Variants in MNS1 observed in about 807,000 individuals in gnomAD.
MNS1 encodes the protein meiosis specific nuclear structural 1.
Under a neutral mutation model 72.0 loss-of-function variants are expected in MNS1, and 63 were observed. The observed-to-expected ratio is 0.87, with a 90% CI of 0.71 to 1.08. The LOEUF is 1.08. Among genes scored for constraint, MNS1 ranks in the 50% least tolerant of loss-of-function variants. MNS1 has a pLI of 0.00. For synonymous variants in MNS1, 188 were observed against 172.1 expected (o/e 1.09, Z -0.72); for missense variants, 604 against 562.4 (o/e 1.07, Z -0.75).
Position 56,444,793 on chromosome 15 carries a change from T to C in MNS1, c.457-120A>G, listed in dbSNP as rs1216025138. Reference sequence around the variant, plus strand: ...TTTACATAAAATAAATTTTTTCATCTGTCTAGGTTAAAAAGCAAAAGTAAG... The same window carrying C: ...TTTACATAAAATAAATTTTTTCATCCGTCTAGGTTAAAAAGCAAAAGTAAG... On this transcript the variant is annotated intron_variant, in intron 4 of 9. Transcript: ENST00000260453. 6.5e-6 allele frequency: 6 copies of C among 920,696 alleles called. No individual in the cohort carries two copies. The East Asian group carries it at 1.6e-4, about 24-fold the overall frequency. 57.0% of individuals were successfully genotyped at this position (920,696 alleles called of 1,614,324 possible).
chr15:56,441,736 C>G (rs1289978988), intron 7 of MNS1, among the ~76,000 whole-genome samples: 4 of 152,254 alleles, frequency 2.6e-5, no homozygotes, highest in Middle Eastern at 3.4e-3. Context: ...ATAGACTGGC[C>G]AGGCACGGTG....
rs1342219530 is a variant in MNS1, at chr15:56,432,760, C to T, written c.1270-1262G>A. Reference sequence around the variant, plus strand: ...CCTGATCCTGCTTAGCTTCTGAGAACAGATGAGCTCCAATCTGAAATATAA... The same window carrying T: ...CCTGATCCTGCTTAGCTTCTGAGAATAGATGAGCTCCAATCTGAAATATAA... On this transcript the variant is annotated intron_variant, in intron 8 of 9. Coordinates refer to ENST00000260453, the MANE Select transcript of MNS1 (RefSeq NM_018365.4). 2.6e-5 allele frequency among the ~76,000 whole-genome samples: 4 copies of T among 152,286 alleles called. No homozygotes were observed. The East Asian group carries it at 7.7e-4, about 29-fold the overall frequency.
At chr15:56,464,518 A>T (rs544854235) in intron 1 of MNS1, among the ~76,000 whole-genome samples, 93 of 152,230 alleles carry the variant, frequency 6.1e-4, no homozygotes, top group African/African-American at 2.1e-3. Context: ...GCTAGGATTA[A>T]TCGCACCCTA....
chr15:56,439,446 TAA>T (rs35812910), intron 7 of MNS1, among the ~76,000 whole-genome samples: 2 of 151,670 alleles, frequency 1.3e-5, no homozygotes, highest in African/African-American at 2.4e-5. Flanking sequence ...CTAGAATAGC[TAA>T]AAAAAAAATT....
chr15:56,463,474 T>C (rs1320763420), intron 2 of MNS1, among the ~76,000 whole-genome samples: 1 of 152,088 alleles, frequency 6.6e-6, no homozygotes, highest in African/African-American at 2.4e-5. Context: ...TTCCCCATTT[T>C]ATAGAAAAAG....
Position 56,464,934 on chromosome 15 carries a change from A to C in MNS1, c.3+36T>G, listed in dbSNP as rs569445379. 7 of 1,611,118 alleles carry C rather than the reference A, an allele frequency of 4.3e-6. No homozygotes were observed. The South Asian group carries it at 6.6e-5, about 15-fold the overall frequency. ...GCGCCAAACTAGAATTAAATCAACA[A>C]TAAACAAGTAGTTTCAAGTCCCCCA... On this transcript the variant is annotated intron_variant, in intron 1 of 9. Transcript: ENST00000260453.
intron 1 of MNS1, 119 bp from the exon 2 acceptor site, chr15:56,464,366 T>G: frequency 1.4e-6 from 1 of 725,502 alleles, no homozygotes; most frequent in Non-Finnish European, 2.3e-6. Context: ...CTTCCTAAAT[T>G]CAAAGGAGTA....
chr15:56,453,363 G>T (rs1427682961), intron 3 of MNS1, among the ~76,000 whole-genome samples: 1 of 151,928 alleles, frequency 6.6e-6, no homozygotes, highest in Admixed American at 6.6e-5. Context: ...AGGATTATTG[G>T]TGATCAATCT....
intron 7 of MNS1, 135 bp from the exon 8 acceptor site, chr15:56,434,530 G>A: frequency 1.0e-6 from 1 of 952,812 alleles, no homozygotes. Flanking sequence ...GGCTTTTCAT[G>A]ATAACTTTGT....
rs371826550 is a variant in MNS1 at position 56,465,081 on chromosome 15, T to A, written c.-109A>T. 2.7e-6 allele frequency: 4 copies of A among 1,479,820 alleles called. No individual in the cohort carries two copies. The highest frequency in any genetic ancestry group is 2.5e-5 in the South Asian group (2 of 81,362). 91.7% of individuals were successfully genotyped at this position (1,479,820 alleles called of 1,614,324 possible). On this transcript the variant is annotated 5_prime_UTR_variant, in exon 1 of 10. Transcript: ENST00000260453. Reference sequence around the variant, plus strand: ...GCGCACCTGGCTGCGCGCGCTCGGGTGTTTACGCGGCGTCTTGGCAACGGT... The same window carrying A: ...GCGCACCTGGCTGCGCGCGCTCGGGAGTTTACGCGGCGTCTTGGCAACGGT...
In MNS1 at chr15:56,460,009, A is replaced by AAAAAAAAAAAAAATATATATATATAT; in HGVS notation, c.226-3489_226-3488insATATATATATATATTTTTTTTTTTTT. ...CTGTCTCAAAAAAAAAAAAAAAAAA[A>AAAAAAAAAAAAAATATATATATATAT]ATACATATATATATATATATATATA... On this transcript the variant is annotated intron_variant, in intron 2 of 9. Coordinates refer to ENST00000260453, the MANE Select transcript of MNS1 (RefSeq NM_018365.4). 1.9e-4 allele frequency among the ~76,000 whole-genome samples: 5 copies of AAAAAAAAAAAAAATATATATATATAT among 26,386 alleles called. 1 individual carries two copies. The highest frequency in any genetic ancestry group is 1.5e-3 in the South Asian group (1 of 674). The allele number at this position is 26,386 out of a possible 152,430, so 17.3% of individuals were successfully genotyped here. A position where few individuals can be genotyped will look rare whatever the true frequency, so the allele number is the denominator to read the frequency against.
At chr15:56,455,143 C>T (rs559914639) in intron 3 of MNS1, among the ~76,000 whole-genome samples, 43 of 147,334 alleles carry the variant, frequency 2.9e-4, no homozygotes, top group African/African-American at 1.1e-3. Context: ...TCAGGAGGAA[C>T]ATTTATCTGA....
rs143778434 is a variant in MNS1 at position 56,456,458 on chromosome 15, A to T, written c.289T>A (p.Leu97Met). The T allele has an allele frequency of 1.9e-6, 3 of 1,612,310 alleles. No individual in the cohort carries two copies. The highest frequency in any genetic ancestry group is 1.7e-5 in the Admixed American group (1 of 59,796). ...AGACTTTCATGTTTCAGTTTTGCCA[A>T]TTCCATAGCCAGTTTTTCTTCTTGT... is the stretch of plus-strand genomic sequence containing the variant. The part of the protein sequence containing the change: ...LKQEEKLAME[L>M]AKLKHESLKD... Residue 97 changes from leucine to methionine, a missense_variant, in exon 3 of 10, where the codon TTG (leucine) becomes ATG (methionine). Leu to Met is a conservative substitution (Grantham distance 15). Transcript: ENST00000260453.
chr15:56,458,579 A>AC (rs1490945988), intron 2 of MNS1, among the ~76,000 whole-genome samples: 1 of 152,088 alleles, frequency 6.6e-6, no homozygotes, highest in Non-Finnish European at 1.5e-5. Flanking sequence ...TCATTTCACT[A>AC]CCCTAAAAAT....
chr15:56,461,955 C>A (rs1596269755), intron 2 of MNS1, among the ~76,000 whole-genome samples: 1 of 135,314 alleles, frequency 7.4e-6, no homozygotes, highest in Non-Finnish European at 1.6e-5. Context: ...TAGTCAATAA[C>A]AAAGTGTTTT....
At chr15:56,448,084 A>C (rs1264868689) in intron 3 of MNS1, among the ~76,000 whole-genome samples, 1 of 152,178 alleles carries the variant, frequency 6.6e-6, no homozygotes, top group Non-Finnish European at 1.5e-5. Context: ...GTATGTGGAT[A>C]TTGCAAATAA....
intron 7 of MNS1, among the ~76,000 whole-genome samples, chr15:56,441,014 G>A (rs1596259823): frequency 6.6e-6 from 1 of 152,030 alleles, no homozygotes; most frequent in East Asian, 1.9e-4. Context: ...TCTAATATAT[G>A]CATTTAAAGA....
chr15:56,453,320 C>T lies in MNS1; in HGVS notation c.353+3074G>A, dbSNP rs566406166. Among the ~76,000 whole-genome samples the T allele has an allele frequency of 5.9e-5, 9 of 152,128 alleles. No individual in the cohort carries two copies. In the South Asian group the frequency reaches 1.7e-3, roughly 28 times the overall value. On this transcript the variant is annotated intron_variant, in intron 3 of 9. Coordinates refer to ENST00000260453, the MANE Select transcript of MNS1 (RefSeq NM_018365.4). ...ATCATTTTTCTTCTTCTATTAATACCTAATGAAGAACTGCTAGTATTCCCT... is the reference window on the plus strand; with the variant it reads ...ATCATTTTTCTTCTTCTATTAATACTTAATGAAGAACTGCTAGTATTCCCT...
At position 56,451,728 on chromosome 15, in the gene MNS1, A is replaced by AG. The variant is rs527510439; in HGVS notation, c.353+4665_353+4666insC. On this transcript the variant is annotated intron_variant, in intron 3 of 9. Transcript: ENST00000260453. Reference sequence around the variant, plus strand: ...TTCACAGTAGGTTCCTCAATTCATGATGGGATGCATCCCAATAAACCTGTC... The same window carrying AG: ...TTCACAGTAGGTTCCTCAATTCATGAGTGGGATGCATCCCAATAAACCTGTC... Among the ~76,000 whole-genome samples, 347 of 52,524 alleles carry AG rather than the reference A, an allele frequency of 6.6e-3. 1 individual carries two copies. Among genetic ancestry groups the AG allele is most frequent in the Middle Eastern group, 0.015 (1 of 68 alleles). The allele number at this position is 52,524 out of a possible 152,430, so 34.5% of individuals were successfully genotyped here. A position where few individuals can be genotyped will look rare whatever the true frequency, so the allele number is the denominator to read the frequency against.
Sources: gnomAD v4.1 joint callset for allele counts (sites outside exome capture counted in the v4.1 genomes callset) on GRCh38, gnomAD v4.1.1 for gene constraint, MANE v1.5 for transcripts, NCBI Gene and HGNC (gene_info 2026-07-23, HGNC 2026-07-21) for gene names.